PTPRF: variants seen among roughly 807,000 people sequenced by gnomAD.
PTPRF encodes the protein receptor-type tyrosine-protein phosphatase F.
Under a neutral mutation model 201.8 loss-of-function variants are expected in PTPRF, and 59 were observed. That is an observed-to-expected ratio of 0.29 (90% CI 0.24 to 0.36). PTPRF has a LOEUF of 0.36. PTPRF is among the 10% of genes least tolerant of loss of function. The pLI is 1.00. For synonymous variants in PTPRF, 1,088 were observed against 1,089.7 expected (o/e 1.00, Z 0.03); for missense variants, 2,132 against 2,690.5 (o/e 0.79, Z 4.59).
chr1:43,606,408 T>C lies in PTPRF; in HGVS notation c.3652T>C (p.Leu1218=), dbSNP rs1248361367. Residue 1218 remains leucine, a synonymous_variant, in exon 20 of 34, where the codon TTG becomes CTG. Coordinates refer to ENST00000359947, the MANE Select transcript of PTPRF (RefSeq NM_002840.5). The part of the protein sequence containing the change: ...GFYNRPLSPD[L]SYQCFVLASL... Reference sequence around the variant, plus strand: ...CTACAACCGGCCCCTGTCTCCGGACTTGAGCTACCAGTGCTTTGTGCTTGC... The same window carrying C: ...CTACAACCGGCCCCTGTCTCCGGACCTGAGCTACCAGTGCTTTGTGCTTGC... The C allele has an allele frequency of 1.2e-6, 2 of 1,614,166 alleles. No homozygotes were observed. Among genetic ancestry groups the C allele is most frequent in the South Asian group, 1.1e-5 (1 of 91,080 alleles).
intron 3 of PTPRF, among the ~76,000 whole-genome samples, chr1:43,551,141 C>T (rs903050787): frequency 7.2e-5 from 11 of 152,106 alleles, no homozygotes; most frequent in Non-Finnish European, 1.6e-4. Flanking sequence ...GTGGGGCAGG[C>T]CTGGAGGCAG....
At position 43,621,204 on chromosome 1, in the gene PTPRF, C is replaced by T. The variant is rs368302488; in HGVS notation, c.5627C>T (p.Thr1876Ile). 5.6e-5 allele frequency: 90 copies of T among 1,614,058 alleles called. 1 individual carries two copies. In the Middle Eastern group the frequency reaches 6.6e-4, roughly 12 times the overall value. The change falls in exon 33 of 34, where the codon ACA (threonine) becomes ATA (isoleucine). Residue 1876 changes from threonine (T) to isoleucine (I), a missense_variant. This residue lies in a region of PTPRF where 519 missense variants were observed against 659.5 expected (regional missense o/e 0.79). Transcript: ENST00000359947. ...DMFQTVKTLR[T>I]QRPAMVQTED... Reference sequence around the variant, plus strand: ...TTTCAGACCGTGAAGACCCTGCGTACACAGCGTCCTGCCATGGTGCAGACA... The same window carrying T: ...TTTCAGACCGTGAAGACCCTGCGTATACAGCGTCCTGCCATGGTGCAGACA...
At position 43,619,851 on chromosome 1, in the gene PTPRF, G is replaced by T; in HGVS notation, c.5104G>T (p.Gly1702Cys). 1 of 1,614,044 alleles carries T rather than the reference G, an allele frequency of 6.2e-7. No individual in the cohort carries two copies. Among genetic ancestry groups the T allele is most frequent in the Non-Finnish European group, 8.5e-7 (1 of 1,179,944 alleles). Residue 1702 changes from glycine to cysteine, a missense_variant, in exon 29 of 34, where the codon GGT becomes TGT. Gly to Cys is a radical substitution (Grantham distance 159). Around this residue, in one of 6 missense-constraint regions of PTPRF, gnomAD observed 519 missense variants for 659.5 expected, o/e 0.79. Transcript: ENST00000359947. ...SDYINASFLD[G>C]YRQQKAYIAT... ...CTACATCAATGCCAGCTTCCTGGATGGTTATAGGTCAGCATGCATGTCACT... is the reference window on the plus strand; with the variant it reads ...CTACATCAATGCCAGCTTCCTGGATTGTTATAGGTCAGCATGCATGTCACT...
rs77543816 is a variant in PTPRF at position 43,573,977 on chromosome 1, C to CTTTTTTTT, written c.568+4228_568+4235dup. Among the ~76,000 whole-genome samples, 80 of 63,916 alleles carry CTTTTTTTT rather than the reference C, an allele frequency of 1.3e-3. 13 individuals carry two copies. Among genetic ancestry groups the CTTTTTTTT allele is most frequent in the Non-Finnish European group, 1.8e-3 (67 of 37,268 alleles). 41.9% of individuals were successfully genotyped at this position (63,916 alleles called of 152,430 possible). ...CAAAGAGGGTTTGCTTGTGTGGGTTCTTTTTTTTTTTTTTTTTTTTTTTTT... is the reference window on the plus strand; with the variant it reads ...CAAAGAGGGTTTGCTTGTGTGGGTTCTTTTTTTTTTTTTTTTTTTTTTTTTTTTTTTTT... On this transcript the variant is annotated intron_variant, in intron 6 of 33. Transcript: ENST00000359947.
chr1:43,607,665 A>G (rs2154027269), intron 21 of PTPRF, among the ~76,000 whole-genome samples: 1 of 152,330 alleles, frequency 6.6e-6, no homozygotes, highest in Admixed American at 6.5e-5. Flanking sequence ...CTGACAGCCA[A>G]ACACCTGGCT....
At chr1:43,545,811 G>A (rs1463116166) in intron 3 of PTPRF, among the ~76,000 whole-genome samples, 1 of 152,174 alleles carries the variant, frequency 6.6e-6, no homozygotes, top group African/African-American at 2.4e-5. Flanking sequence ...GTGTGTGTTT[G>A]TGTTGGAGGG....
At position 43,603,282 on chromosome 1, in the gene PTPRF, A is replaced by ATGGC. The variant is rs1463017641; in HGVS notation, c.2341-133_2341-132insGGCT. On this transcript the variant is annotated intron_variant, in intron 14 of 33. Transcript: ENST00000359947. This position sits in a 1 kb window ranked among gnomAD's most constrained non-coding sequence, Gnocchi z 5.8. ...CCTCTCCAGCAGAGGCCACCATTGT[A>ATGGC]TAGCCCCACCTTCCACAACCCCTGG... 3.9e-6 allele frequency: 3 copies of ATGGC among 765,372 alleles called. No homozygotes were observed. Among genetic ancestry groups the ATGGC allele is most frequent in the Non-Finnish European group, 6.7e-6 (3 of 450,470 alleles). 47.4% of individuals were successfully genotyped at this position (765,372 alleles called of 1,614,324 possible).
intron 6 of PTPRF, among the ~76,000 whole-genome samples, chr1:43,574,520 G>A (rs1373489338): frequency 6.6e-6 from 1 of 152,142 alleles, no homozygotes; most frequent in Non-Finnish European, 1.5e-5. Context: ...GACTTATATA[G>A]AAGGCAGCTG....
intron 5 of PTPRF, among the ~76,000 whole-genome samples, chr1:43,568,242 C>T (rs1442898856): frequency 6.6e-6 from 1 of 150,968 alleles, no homozygotes; most frequent in Non-Finnish European, 1.5e-5. Flanking sequence ...TTGCGGTGAG[C>T]TGAGATCGCA....
chr1:43,566,960 C>T (rs1557727759), intron 5 of PTPRF, among the ~76,000 whole-genome samples: 2 of 152,146 alleles, frequency 1.3e-5, no homozygotes, highest in Non-Finnish European at 2.9e-5. Context: ...CTTAATTTGG[C>T]GTAAATCCCA....
intron 13 of PTPRF, among the ~76,000 whole-genome samples, chr1:43,600,743 GCATTTCT>G (rs1189894694): frequency 6.6e-6 from 1 of 151,874 alleles, no homozygotes; most frequent in Non-Finnish European, 1.5e-5. Context: ...CTCGTGGCCT[GCATTTCT>G]CTCTCCTTCT....
At position 43,588,847 on chromosome 1, in the gene PTPRF, A is replaced by G. The variant is rs754635285; in HGVS notation, c.796A>G (p.Met266Val). ...TGCACCCATGCCCTACGTGAAGTGGATGATGGGGGCCGAGGAGCTCACCAA... is the reference window on the plus strand; with the variant it reads ...TGCACCCATGCCCTACGTGAAGTGGGTGATGGGGGCCGAGGAGCTCACCAA... ...VGAPMPYVKW[M>V]MGAEELTKED... The change falls in exon 8 of 34, where the codon ATG becomes GTG. Residue 266 changes from methionine to valine, a missense_variant. Met to Val is a conservative substitution (Grantham distance 21). Coordinates refer to ENST00000359947, the MANE Select transcript of PTPRF (RefSeq NM_002840.5). This position sits in a 1 kb window ranked among gnomAD's most constrained non-coding sequence, Gnocchi z 5.3. The G allele has an allele frequency of 2.2e-5, 36 of 1,613,994 alleles. No individual in the cohort carries two copies. The highest frequency in any genetic ancestry group is 2.8e-5 in the Non-Finnish European group (33 of 1,180,032).
intron 6 of PTPRF, among the ~76,000 whole-genome samples, chr1:43,578,446 C>T (rs1377512652): frequency 2.6e-5 from 4 of 152,270 alleles, no homozygotes; most frequent in Admixed American, 6.5e-5. Flanking sequence ...CTTAGTGGGG[C>T]TGCGGGGCCA....
chr1:43,602,113 G>A lies in PTPRF; in HGVS notation c.2340+16G>A. On this transcript the variant is annotated intron_variant, in intron 14 of 33. Coordinates refer to ENST00000359947, the MANE Select transcript of PTPRF (RefSeq NM_002840.5). ...CGAGGACTATGTAAGTAACAGGTGT[G>A]CGAACGCGGACAAGACATGGGTCAA... The A allele has an allele frequency of 6.2e-7, 1 of 1,611,596 alleles. No homozygotes were observed. The highest frequency in any genetic ancestry group is 1.1e-5 in the South Asian group (1 of 91,030).
Position 43,622,012 on chromosome 1 carries a change from C to G in PTPRF, c.*9C>G. 3 of 1,613,752 alleles carry G rather than the reference C, an allele frequency of 1.9e-6. No homozygotes were observed. Among genetic ancestry groups the G allele is most frequent in the Non-Finnish European group, 2.5e-6 (3 of 1,179,784 alleles). On this transcript the variant is annotated 3_prime_UTR_variant, in exon 34 of 34. Coordinates refer to ENST00000359947, the MANE Select transcript of PTPRF (RefSeq NM_002840.5). The stretch of plus-strand genomic sequence containing the variant: ...ACCACTATGCAACGTAACTACCGCT[C>G]CCCTCTCCTCCGCCACCCCCGCCGT...
rs1249418061 is a variant in PTPRF, at chr1:43,622,250, G to A, written c.*247G>A. The A allele has an allele frequency of 1.3e-5, 7 of 530,972 alleles. No homozygotes were observed. The highest frequency in any genetic ancestry group is 1.1e-4 in the African/African-American group (6 of 52,390). 32.9% of individuals were successfully genotyped at this position (530,972 alleles called of 1,614,324 possible). Reference sequence around the variant, plus strand: ...CTTCTGTCCACCAGACCCACCTGGAGCCCGCTTCAAGCTCTCTGTTGCGCT... The same window carrying A: ...CTTCTGTCCACCAGACCCACCTGGAACCCGCTTCAAGCTCTCTGTTGCGCT... On this transcript the variant is annotated 3_prime_UTR_variant, in exon 34 of 34. Coordinates refer to ENST00000359947, the MANE Select transcript of PTPRF (RefSeq NM_002840.5).
chr1:43,600,938 C>T lies in PTPRF; in HGVS notation c.2314-1133C>T, dbSNP rs1314229593. ...GGTCCATGTGATGTGAGAACCTCCA[C>T]GCCAAGGCTTGGTTGGGACAGCCCA... On this transcript the variant is annotated intron_variant, in intron 13 of 33. Transcript: ENST00000359947. 2.6e-5 allele frequency among the ~76,000 whole-genome samples: 4 copies of T among 152,202 alleles called. No individual in the cohort carries two copies. In the East Asian group the frequency reaches 5.8e-4, roughly 22 times the overall value.
intron 1 of PTPRF, among the ~76,000 whole-genome samples, chr1:43,536,516 G>A (rs1216768580): frequency 1.3e-5 from 2 of 152,196 alleles, no homozygotes; most frequent in African/African-American, 2.4e-5. Context: ...TGGCAGCAGC[G>A]CCTGGCCAGC....
intron 33 of PTPRF, 66 bp downstream of exon 33, chr1:43,621,298 G>A (rs770017640): frequency 1.2e-5 from 19 of 1,578,074 alleles, no homozygotes; most frequent in Non-Finnish European, 1.7e-6. Flanking sequence ...CTAGGCTTTA[G>A]CAACAGTTTG....
Sources: allele counts gnomAD v4.1 joint callset (sites outside exome capture counted in the v4.1 genomes callset), GRCh38; gene constraint gnomAD v4.1.1; regional missense constraint gnomAD v4.1.1; non-coding constraint Gnocchi (gnomAD v3.1); transcripts MANE v1.5; gene names NCBI Gene and HGNC (gene_info 2026-07-23, HGNC 2026-07-21).